The following KDM4B variants were observed in gnomAD, a reference collection of about 807,000 sequenced individuals.
The protein encoded by KDM4B is lysine-specific demethylase 4B.
Under a neutral mutation model 125.2 loss-of-function variants are expected in KDM4B, and 32 were observed. That is an observed-to-expected ratio of 0.26 (90% CI 0.19 to 0.34). The LOEUF (loss-of-function observed/expected upper bound fraction) is 0.34, where lower values mean the gene tolerates loss of function less well. Ranked by LOEUF, KDM4B falls within the 10% of genes least tolerant of loss-of-function variation. KDM4B has a pLI of 1.00. For synonymous variants in KDM4B, 721 were observed against 677.9 expected (o/e 1.06, Z -0.99); for missense variants, 1,190 against 1,577.7 (o/e 0.75, Z 4.16).
chr19:5,013,091 G>C (rs780216188), intron 1 of KDM4B, among the ~76,000 whole-genome samples: 1 of 152,184 alleles, frequency 6.6e-6, no homozygotes, highest in Non-Finnish European at 1.5e-5. Flanking sequence ...TGGAGTGGGC[G>C]CTTTTGGGGC....
intron 6 of KDM4B, among the ~76,000 whole-genome samples, chr19:5,065,064 G>A (rs1457709884): frequency 1.3e-5 from 2 of 152,234 alleles, no homozygotes; most frequent in East Asian, 1.9e-4. Flanking sequence ...GGGGTCCCTG[G>A]GGGTGCTGGG....
At chr19:5,033,084 C>T (rs900246522) in intron 3 of KDM4B, 53 bp downstream of exon 3, 55 of 1,588,654 alleles carry the variant, frequency 3.5e-5, no homozygotes, top group Non-Finnish European at 4.6e-5. Flanking sequence ...CGCCGCGGGC[C>T]TGCGGACATC....
chr19:5,132,071 G>A (rs921888408), intron 13 of KDM4B, 64 bp downstream of exon 13: 2 of 1,492,048 alleles, frequency 1.3e-6, no homozygotes, highest in Non-Finnish European at 1.8e-6. Context: ...GCTGCTGGAG[G>A]GGGGGCCTGG....
In KDM4B at chr19:5,137,962, G is replaced by A. The variant is rs764999056; in HGVS notation, c.2442G>A (p.Arg814=). 1.2e-5 allele frequency: 19 copies of A among 1,611,502 alleles called. 1 individual carries two copies. The South Asian group carries it at 2.1e-4, about 18-fold the overall frequency. ...GACCCCGCTGCACCTGCCCTCCCAGGTGGATCCACGTGATCTGTGCCATCG... is the reference window on the plus strand; with the variant it reads ...GACCCCGCTGCACCTGCCCTCCCAGATGGATCCACGTGATCTGTGCCATCG... ...GGALQMTTDR[R]WIHVICAIAV... is the part of the protein sequence containing the mutation. Residue 814 remains arginine, a splice_region_variant and synonymous_variant, in exon 18 of 23, where the codon AGG becomes AGA. Transcript: ENST00000159111.
chr19:5,063,098 G>A (rs887859105), intron 6 of KDM4B, among the ~76,000 whole-genome samples: 5 of 152,004 alleles, frequency 3.3e-5, no homozygotes, highest in East Asian at 1.9e-4. Context: ...CTCCTGCCTC[G>A]CCATGAAGGT....
Position 5,135,228 on chromosome 19 carries a change from A to G in KDM4B, c.2086-111A>G, listed in dbSNP as rs905020225. The G allele has an allele frequency of 3.9e-5, 27 of 688,610 alleles. No homozygotes were observed. The African/African-American group carries it at 4.3e-4, about 11-fold the overall frequency. The allele number at this position is 688,610 out of a possible 1,614,324, so 42.7% of individuals were successfully genotyped here. A position where few individuals can be genotyped will look rare whatever the true frequency, so the allele number is the denominator to read the frequency against. On this transcript the variant is annotated intron_variant, in intron 14 of 22. Transcript: ENST00000159111. ...GGCCATCTCCCCGACCTCCCCCTCC[A>G]GAGCCAGGGGGTGTCGAAGCCTGGG...
At chr19:4,980,130 G>A (rs2034585240) in intron 1 of KDM4B, among the ~76,000 whole-genome samples, 1 of 151,952 alleles carries the variant, frequency 6.6e-6, no homozygotes. Context: ...CAATTTAGTG[G>A]TTTTTAGTAC....
At chr19:5,124,236 C>T (rs1289494744) in intron 11 of KDM4B, among the ~76,000 whole-genome samples, 1 of 151,996 alleles carries the variant, frequency 6.6e-6, no homozygotes, top group Non-Finnish European at 1.5e-5. Flanking sequence ...GCTGGGACAC[C>T]GCCTTGATGG....
Position 5,064,737 on chromosome 19 carries a change from C to T in KDM4B, c.627-6273C>T, listed in dbSNP as rs370841092. On this transcript the variant is annotated intron_variant, in intron 6 of 22. Coordinates refer to ENST00000159111, the MANE Select transcript of KDM4B (RefSeq NM_015015.3). ...TCCTGGCTTGAGAGCCTCCAAGGAG[C>T]CCATTCCGCTTGCAGTAGGAGGGAG... 1.4e-4 allele frequency among the ~76,000 whole-genome samples: 22 copies of T among 152,166 alleles called. No homozygotes were observed. The East Asian group carries it at 1.7e-3, about 12-fold the overall frequency.
intron 11 of KDM4B, among the ~76,000 whole-genome samples, chr19:5,128,157 G>C (rs2039481312): frequency 6.6e-6 from 1 of 152,182 alleles, no homozygotes; most frequent in Non-Finnish European, 1.5e-5. Flanking sequence ...CACAGCCCCG[G>C]CTGGAGTCCC....
Position 5,067,118 on chromosome 19 carries a change from G to A in KDM4B, c.627-3892G>A, listed in dbSNP as rs543608804. ...CTCCCTCCCGAAGGCTCCCCTGGCA[G>A]CCTCCTCAACAGTGCTGTCTTCAGC... On this transcript the variant is annotated intron_variant, in intron 6 of 22. Transcript: ENST00000159111. Among the ~76,000 whole-genome samples, 36 of 152,234 alleles carry A rather than the reference G, an allele frequency of 2.4e-4. 1 individual carries two copies. In the South Asian group the frequency reaches 5.8e-3, roughly 25 times the overall value.
At chr19:5,017,070 G>A (rs972806306) in intron 2 of KDM4B, among the ~76,000 whole-genome samples, 1 of 152,246 alleles carries the variant, frequency 6.6e-6, no homozygotes, top group Non-Finnish European at 1.5e-5. Flanking sequence ...GCCTTGTGCG[G>A]CGTCGCCCTT....
At chr19:5,059,334 G>A (rs1023965401) in intron 6 of KDM4B, among the ~76,000 whole-genome samples, 12 of 152,346 alleles carry the variant, frequency 7.9e-5, no homozygotes, top group East Asian at 1.9e-4. Context: ...CTGATGAAAC[G>A]GGGCGGGCGC....
chr19:5,018,228 A>G (rs1018131669), intron 2 of KDM4B, among the ~76,000 whole-genome samples: 4 of 152,048 alleles, frequency 2.6e-5, no homozygotes, highest in South Asian at 2.1e-4. Flanking sequence ...TGTAGAGGCT[A>G]TGTTGCCCAG....
At chr19:5,095,062 G>C (rs979415566) in intron 9 of KDM4B, among the ~76,000 whole-genome samples, 1 of 152,176 alleles carries the variant, frequency 6.6e-6, no homozygotes, top group Non-Finnish European at 1.5e-5. Flanking sequence ...GCTATGAGAT[G>C]CTGTGCCCTC....
At chr19:5,055,270 G>A (rs1046350488) in intron 6 of KDM4B, among the ~76,000 whole-genome samples, 2 of 152,246 alleles carry the variant, frequency 1.3e-5, no homozygotes, top group African/African-American at 2.4e-5. Flanking sequence ...GGCTCCCACC[G>A]TACCTGTCAG....
At chr19:5,109,494 G>A (rs569423006) in intron 9 of KDM4B, among the ~76,000 whole-genome samples, 4 of 152,218 alleles carry the variant, frequency 2.6e-5, no homozygotes, top group Non-Finnish European at 4.4e-5. Context: ...GCGTGAGAGC[G>A]GCAGGTCTGC....
chr19:5,061,296 T>C lies in KDM4B; in HGVS notation c.627-9714T>C, dbSNP rs1040447145. 4.6e-5 allele frequency among the ~76,000 whole-genome samples: 7 copies of C among 152,352 alleles called. No individual in the cohort carries two copies. In the South Asian group the frequency reaches 1.4e-3, roughly 32 times the overall value. On this transcript the variant is annotated intron_variant, in intron 6 of 22. Transcript: ENST00000159111. ...GGCTCCCAGGACTCTGCTGGTCTCC[T>C]GTGTGTCTCAATAAAAGGTCATTAT...
At position 5,153,290 on chromosome 19, in the gene KDM4B, ATGT is replaced by A. The variant is rs1458032945; in HGVS notation, c.*1784_*1786del. The A allele has an allele frequency of 6.6e-6, 1 of 152,092 alleles. No individual in the cohort carries two copies. The highest frequency in any genetic ancestry group is 1.5e-5 in the Non-Finnish European group (1 of 68,032). The allele number at this position is 152,092 out of a possible 1,614,324, so 9.4% of individuals were successfully genotyped here. On this transcript the variant is annotated 3_prime_UTR_variant, in exon 23 of 23. Coordinates refer to ENST00000159111, the MANE Select transcript of KDM4B (RefSeq NM_015015.3). ...GGCGTGGCGCTGACACTGTATTCTT[ATGT>A]TGTTTGAAAATGCTATTTATATTGT...
Sources: allele counts gnomAD v4.1 joint callset (sites outside exome capture counted in the v4.1 genomes callset), GRCh38; gene constraint gnomAD v4.1.1; transcripts MANE v1.5; gene names NCBI Gene and HGNC (gene_info 2026-07-23, HGNC 2026-07-21).